FAM20A: variants seen among roughly 807,000 people sequenced by gnomAD.
The protein encoded by FAM20A is FAM20A golgi associated secretory pathway pseudokinase, also known as pseudokinase FAM20A.
A neutral mutation model predicts 52.0 loss-of-function variants in FAM20A; 42 were observed. That is an observed-to-expected ratio of 0.81 (90% confidence interval 0.63 to 1.04). FAM20A has a LOEUF of 1.04. Among genes scored for constraint, FAM20A ranks in the 50% least tolerant of loss-of-function variants. The pLI, the probability that FAM20A is intolerant of heterozygous loss-of-function variation, is 0.00. For synonymous variants in FAM20A, 304 were observed against 298.9 expected, an observed-to-expected ratio of 1.02 and a Z score of -0.18; for missense variants, 742 against 712.7, an observed-to-expected ratio of 1.04 and a Z score of -0.47.
At chr17:68,538,193 T>C (rs1415311664) in intron 10 of FAM20A, among the ~76,000 whole-genome samples, 1 of 152,248 alleles carries the variant, frequency 6.6e-6, no homozygotes, top group Non-Finnish European at 1.5e-5. Context: ...TGTCAGATTT[T>C]AAAATCACAG....
At position 68,536,569 on chromosome 17, in the gene FAM20A, A is replaced by G. The variant is rs1409652032; in HGVS notation, c.*908T>C. 1 of 453,672 alleles carries G rather than the reference A, an allele frequency of 2.2e-6. No individual in the cohort carries two copies. The highest frequency in any genetic ancestry group is 2.4e-5 in the Admixed American group (1 of 42,514). The allele number at this position is 453,672 out of a possible 1,614,324, so 28.1% of individuals were successfully genotyped here. On this transcript the variant is annotated 3_prime_UTR_variant, in exon 11 of 11. Transcript: ENST00000592554. Reference sequence around the variant, plus strand: ...TCTAGAGGGCCTCACCTTTCCACATAGCCCCTTTCTTCTTTTGGGGATGGG... The same window carrying G: ...TCTAGAGGGCCTCACCTTTCCACATGGCCCCTTTCTTCTTTTGGGGATGGG...
At chr17:68,587,405 G>A (rs148052974) in intron 1 of FAM20A, among the ~76,000 whole-genome samples, 480 of 152,280 alleles carry the variant, frequency 3.2e-3, no homozygotes, top group African/African-American at 0.011. Flanking sequence ...GTAACATAAT[G>A]ATTATCATTA....
intron 1 of FAM20A, among the ~76,000 whole-genome samples, chr17:68,581,707 C>T (rs1276914038): frequency 6.6e-6 from 1 of 151,548 alleles, no homozygotes; most frequent in African/African-American, 2.4e-5. Context: ...TCCTGAGTAG[C>T]TGGGACTACA....
intron 1 of FAM20A, among the ~76,000 whole-genome samples, chr17:68,575,509 T>TATATTTTATATATTAG (rs1163386366): frequency 8.9e-6 from 1 of 112,204 alleles, no homozygotes; most frequent in East Asian, 2.3e-4. Context: ...TTAGATATTA[T>TATATTTTATATATTAG]ATATTTTATA....
At chr17:68,598,471 C>G (rs958691866) in intron 1 of FAM20A, among the ~76,000 whole-genome samples, 1 of 152,134 alleles carries the variant, frequency 6.6e-6, no homozygotes, top group African/African-American at 2.4e-5. Context: ...GGCCCACAAA[C>G]CTTACTTGGG....
In FAM20A at chr17:68,536,962, G is replaced by T. The variant is rs1242407179; in HGVS notation, c.*515C>A. 6.6e-6 allele frequency: 3 copies of T among 454,270 alleles called. No individual in the cohort carries two copies. The Admixed American group carries it at 7.0e-5, about 11-fold the overall frequency. The allele number at this position is 454,270 out of a possible 1,614,324, so 28.1% of individuals were successfully genotyped here. A position where few individuals can be genotyped will look rare whatever the true frequency, so the allele number is the denominator to read the frequency against. On this transcript the variant is annotated 3_prime_UTR_variant, in exon 11 of 11. Transcript: ENST00000592554. Reference sequence around the variant, plus strand: ...GATGGGTCCAGTGACTAGAATATGAGTAGAAAGTGTGAGGTCTAATTTGAA... The same window carrying T: ...GATGGGTCCAGTGACTAGAATATGATTAGAAAGTGTGAGGTCTAATTTGAA...
In FAM20A at chr17:68,589,064, T is replaced by C. The variant is rs142775927; in HGVS notation, c.404+11199A>G. 6.0e-3 allele frequency among the ~76,000 whole-genome samples: 910 copies of C among 152,306 alleles called. 5 individuals are homozygous for C. The highest frequency in any genetic ancestry group is 9.4e-3 in the Non-Finnish European group (639 of 68,020). On this transcript the variant is annotated intron_variant, in intron 1 of 10. Transcript: ENST00000592554. ...AGCCTTTGATTTATGTTGGCCAACA[T>C]AGTATGGCAGAAATGACATTTAACA...
chr17:68,558,157 A>G (rs1317975787), intron 1 of FAM20A, among the ~76,000 whole-genome samples: 2 of 152,194 alleles, frequency 1.3e-5, no homozygotes, highest in African/African-American at 4.8e-5. Context: ...AGCCACCATG[A>G]GGAGCTGAGA....
intron 1 of FAM20A, chr17:68,591,701 C>T (rs1205688282): frequency 6.6e-6 from 1 of 152,030 alleles, no homozygotes; most frequent in East Asian, 2.0e-4. Flanking sequence ...CCAGCTGATC[C>T]TTTCTTAATC....
intron 1 of FAM20A, chr17:68,590,134 A>AT (rs964693651): frequency 2.6e-5 from 4 of 152,172 alleles, no homozygotes; most frequent in Non-Finnish European, 2.9e-5. Flanking sequence ...CTTAAAGTAT[A>AT]TTTTTTCAAA....
chr17:68,571,933 T>C (rs1450656992), intron 1 of FAM20A, among the ~76,000 whole-genome samples: 1 of 146,622 alleles, frequency 6.8e-6, no homozygotes, highest in Non-Finnish European at 1.5e-5. Context: ...ATCAAACTTA[T>C]GTAGAAATAT....
chr17:68,539,251 C>T (rs945212994), intron 10 of FAM20A, 86 bp downstream of exon 10: 4 of 1,368,040 alleles, frequency 2.9e-6, no homozygotes, highest in Non-Finnish European at 4.2e-6. Flanking sequence ...CCAGTGAAAA[C>T]TGGAAGCCCT....
chr17:68,576,687 C>T (rs1304726787), intron 1 of FAM20A, among the ~76,000 whole-genome samples: 1 of 152,132 alleles, frequency 6.6e-6, no homozygotes, highest in African/African-American at 2.4e-5. Flanking sequence ...AGTTGGGGAC[C>T]TAGGGACAAA....
intron 4 of FAM20A, among the ~76,000 whole-genome samples, 164 bp from the exon 5 acceptor site, chr17:68,543,885 G>A (rs1460170141): frequency 6.6e-6 from 1 of 152,038 alleles, no homozygotes; most frequent in African/African-American, 2.4e-5. Context: ...GGCTCCCTTC[G>A]CCAGGAGAAG....
rs1486127442 is a variant in FAM20A at position 68,572,004 on chromosome 17, A to ATC, written c.405-16262_405-16261insGA. Among the ~76,000 whole-genome samples the ATC allele has an allele frequency of 2.9e-3, 106 of 36,030 alleles. 3 individuals carry two copies. The highest frequency in any genetic ancestry group is 0.012 in the African/African-American group (105 of 8,864). 23.6% of individuals were successfully genotyped at this position (36,030 alleles called of 152,430 possible). ...TATACATACATATATATATATATAT[A>ATC]TATATATATATATATATATATATAT... On this transcript the variant is annotated intron_variant, in intron 1 of 10. Transcript: ENST00000592554.
intron 3 of FAM20A, among the ~76,000 whole-genome samples, chr17:68,552,667 T>C (rs1042335154): frequency 5.6e-5 from 2 of 35,920 alleles, no homozygotes; most frequent in South Asian, 1.1e-3. Context: ...TTTATTTTCC[T>C]TTTTTTTTTT....
At position 68,587,047 on chromosome 17, in the gene FAM20A, T is replaced by C. The variant is rs1473162252; in HGVS notation, c.404+13216A>G. Reference sequence around the variant, plus strand: ...CTGGGACTACAGGTGCCCACTACCATGCCCAGCTATTTTTTATTTTGTATT... The same window carrying C: ...CTGGGACTACAGGTGCCCACTACCACGCCCAGCTATTTTTTATTTTGTATT... On this transcript the variant is annotated intron_variant, in intron 1 of 10. Transcript: ENST00000592554. Among the ~76,000 whole-genome samples, 5 of 152,274 alleles carry C rather than the reference T, an allele frequency of 3.3e-5. No homozygotes were observed. The East Asian group carries it at 9.7e-4, about 29-fold the overall frequency.
At chr17:68,554,015 CAT>C (rs1568741613) in intron 3 of FAM20A, among the ~76,000 whole-genome samples, 1 of 65,078 alleles carries the variant, frequency 1.5e-5, no homozygotes, top group Admixed American at 1.6e-4. Context: ...TGCATATATA[CAT>C]ATATACATAT....
intron 1 of FAM20A, chr17:68,558,546 C>T (rs1177488154): frequency 5.4e-6 from 1 of 186,514 alleles, no homozygotes; most frequent in African/African-American, 2.4e-5. Context: ...CGCTCACTCT[C>T]TTGTGCTCCT....
Sources: allele counts gnomAD v4.1 joint callset (sites outside exome capture counted in the v4.1 genomes callset), GRCh38; gene constraint gnomAD v4.1.1; transcripts MANE v1.5; gene names NCBI Gene and HGNC (gene_info 2026-07-23, HGNC 2026-07-21).